FRMD3: variants seen among roughly 807,000 people sequenced by gnomAD.
The protein encoded by FRMD3 is FERM domain-containing protein 3.
Under a neutral mutation model 70.2 loss-of-function variants are expected in FRMD3, and 33 were observed. The ratio of observed to expected loss-of-function variants is 0.47; its 90% CI spans 0.36 to 0.63. The LOEUF (loss-of-function observed/expected upper bound fraction) is 0.63, where lower values mean the gene tolerates loss of function less well. Ranked by LOEUF, FRMD3 falls within the 20% of genes least tolerant of loss-of-function variation. The pLI, the probability that FRMD3 is intolerant of heterozygous loss-of-function variation, is 0.00. For missense variants in FRMD3, 632 were observed against 711.4 expected (o/e 0.89, Z 1.27); for synonymous variants, 279 against 255.9 (o/e 1.09, Z -0.86).
intron 1 of FRMD3, among the ~76,000 whole-genome samples, chr9:83,469,338 C>A (rs1382473677): frequency 6.6e-6 from 1 of 152,220 alleles, no homozygotes; most frequent in Non-Finnish European, 1.5e-5. Context: ...AGTAGGGATC[C>A]ACTCAAAACC....
chr9:83,469,696 A>T (rs952990449), intron 1 of FRMD3, among the ~76,000 whole-genome samples: 3 of 152,208 alleles, frequency 2.0e-5, no homozygotes, highest in African/African-American at 7.2e-5. Flanking sequence ...GAAAAAAAAA[A>T]CACATTAAAC....
intron 13 of FRMD3, among the ~76,000 whole-genome samples, 162 bp downstream of exon 13, chr9:83,290,441 A>C (rs1834372263): frequency 6.6e-6 from 1 of 152,218 alleles, no homozygotes; most frequent in African/African-American, 2.4e-5. Flanking sequence ...AGTATAATAC[A>C]GCCTTCCAGC....
chr9:83,250,849 G>T (rs978978223), intron 13 of FRMD3, among the ~76,000 whole-genome samples: 4 of 152,238 alleles, frequency 2.6e-5, no homozygotes, highest in African/African-American at 9.6e-5. Context: ...TACAGACAGA[G>T]CTTTGATCTC....
rs533729645 is a variant in FRMD3 at position 83,382,283 on chromosome 9, T to A, written c.252+7321A>T. On this transcript the variant is annotated intron_variant, in intron 2 of 13. Transcript: ENST00000304195. ...ATGGGCCTTTTTTAAAATTTCCAACTTTTATTTTAAGTTCAAGGGTACATG... is the reference window on the plus strand; with the variant it reads ...ATGGGCCTTTTTTAAAATTTCCAACATTTATTTTAAGTTCAAGGGTACATG... Among the ~76,000 whole-genome samples the A allele has an allele frequency of 2.0e-5, 3 of 152,332 alleles. No homozygotes were observed. In the East Asian group the frequency reaches 5.8e-4, roughly 29 times the overall value.
the FRMD3 span, among the ~76,000 whole-genome samples, chr9:83,576,222 G>A: frequency 3.3e-5 from 5 of 151,924 alleles, no homozygotes; most frequent in Non-Finnish European, 2.9e-5. Context: ...ATCCCAGGAG[G>A]GCAAGATTGG....
intron 13 of FRMD3, 70 bp from the exon 14 acceptor site, chr9:83,248,586 C>G (rs1039547877): frequency 6.8e-7 from 1 of 1,471,946 alleles, no homozygotes; most frequent in Non-Finnish European, 9.0e-7. Context: ...CAGGAAGAAA[C>G]AGAAAAACAA....
At chr9:83,487,592 A>T (rs1828715708) in intron 1 of FRMD3, among the ~76,000 whole-genome samples, 2 of 152,250 alleles carry the variant, frequency 1.3e-5, no homozygotes, top group Non-Finnish European at 1.5e-5. Flanking sequence ...TTAACTAAGT[A>T]CTGAAAAAGT....
chr9:83,465,447 CA>C (rs1828100439), intron 1 of FRMD3, among the ~76,000 whole-genome samples: 1 of 152,166 alleles, frequency 6.6e-6, no homozygotes, highest in South Asian at 2.1e-4. Context: ...AAATAAATAA[CA>C]AAACTCCAGT....
At chr9:83,436,674 C>CA (rs1827143412) in intron 1 of FRMD3, among the ~76,000 whole-genome samples, 1 of 150,338 alleles carries the variant, frequency 6.7e-6, no homozygotes, top group African/African-American at 2.4e-5. Flanking sequence ...TGGACCTAGA[C>CA]AAAAATACAA....
At chr9:83,428,485 T>C (rs899866242) in intron 1 of FRMD3, among the ~76,000 whole-genome samples, 1 of 151,506 alleles carries the variant, frequency 6.6e-6, no homozygotes, top group Admixed American at 6.6e-5. Context: ...CATATATACA[T>C]ATATACATAT....
rs991337299 is a variant in FRMD3, at chr9:83,264,817, G to T, written c.1196-16301C>A. On this transcript the variant is annotated intron_variant, in intron 13 of 13. Transcript: ENST00000304195. ...GTTGCTAACCAATTGTGGGGGGAGG[G>T]GGGAAGGTATATCCCTATACCATGT... 8.0e-5 allele frequency among the ~76,000 whole-genome samples: 12 copies of T among 150,134 alleles called. 1 individual carries two copies. Among genetic ancestry groups the T allele is most frequent in the African/African-American group, 2.2e-4 (9 of 41,164 alleles).
At chr9:83,253,514 A>AGCATTTT (rs1832527976) in intron 13 of FRMD3, among the ~76,000 whole-genome samples, 1 of 152,232 alleles carries the variant, frequency 6.6e-6, no homozygotes, top group African/African-American at 2.4e-5. Flanking sequence ...ACATGAAAAA[A>AGCATTTT]TGCTCATCGT....
At chr9:83,390,135 T>C (rs953695337) in intron 1 of FRMD3, among the ~76,000 whole-genome samples, 2 of 152,228 alleles carry the variant, frequency 1.3e-5, no homozygotes, top group Admixed American at 6.5e-5. Flanking sequence ...GTTCTCACAA[T>C]GATCCTACCA....
At chr9:83,452,848 C>CTTTTTTT (rs11346596) in intron 1 of FRMD3, among the ~76,000 whole-genome samples, 6 of 72,360 alleles carry the variant, frequency 8.3e-5, no homozygotes, top group East Asian at 4.3e-4. Context: ...TTTTTATTGC[C>CTTTTTTT]TTTTTTTTTT....
chr9:83,484,123 T>A (rs1828632120), intron 1 of FRMD3, among the ~76,000 whole-genome samples: 1 of 152,204 alleles, frequency 6.6e-6, no homozygotes, highest in African/African-American at 2.4e-5. Flanking sequence ...TAATAATCAG[T>A]GCAAACCTTT....
At chr9:83,280,150 T>A (rs1354175123) in intron 13 of FRMD3, among the ~76,000 whole-genome samples, 4 of 152,210 alleles carry the variant, frequency 2.6e-5, no homozygotes, top group African/African-American at 7.2e-5. Flanking sequence ...AATCTCATCA[T>A]GTGTTACAGA....
At chr9:83,267,608 GA>G (rs1164394022) in intron 13 of FRMD3, among the ~76,000 whole-genome samples, 1 of 151,666 alleles carries the variant, frequency 6.6e-6, no homozygotes, top group South Asian at 2.1e-4. Flanking sequence ...TTCAAAGAGG[GA>G]AAAAAAGCAT....
intron 1 of FRMD3, among the ~76,000 whole-genome samples, chr9:83,520,970 C>CAAAA (rs144061788): frequency 3.4e-4 from 19 of 56,146 alleles, no homozygotes; most frequent in African/African-American, 4.7e-4. Flanking sequence ...ACTAAAAATA[C>CAAAA]AAAAAAAAAA....
chr9:83,584,580 G>T, the FRMD3 span, among the ~76,000 whole-genome samples: 6 of 152,144 alleles, frequency 3.9e-5, no homozygotes, highest in African/African-American at 1.4e-4. Context: ...CTTCCATAAA[G>T]AACTTTGTCA....
Sources: allele counts gnomAD v4.1 joint callset (sites outside exome capture counted in the v4.1 genomes callset), GRCh38; gene constraint gnomAD v4.1.1; transcripts MANE v1.5; gene names NCBI Gene and HGNC (gene_info 2026-07-23, HGNC 2026-07-21).